Variants in ANO5 observed in about 807,000 individuals in gnomAD.
ANO5 encodes the protein anoctamin-5.
A neutral mutation model predicts 121.0 loss-of-function variants in ANO5; 109 were observed. That is an observed-to-expected ratio of 0.90 (90% CI 0.77 to 1.06). The LOEUF (loss-of-function observed/expected upper bound fraction) is 1.06. Ranked by LOEUF, ANO5 falls within the 50% of genes least tolerant of loss-of-function variation. The probability of loss-of-function intolerance (pLI) is 0.00; values close to 1 mark genes in which losing one functional copy is unlikely to be tolerated. For synonymous variants in ANO5, 406 were observed against 359.9 expected, an observed-to-expected ratio of 1.13 and a Z score of -1.45; for missense variants, 1,064 against 1,078.5, an observed-to-expected ratio of 0.99 and a Z score of 0.19.
intron 13 of ANO5, among the ~76,000 whole-genome samples, chr11:22,257,467 T>C (rs1854040119): frequency 6.6e-6 from 1 of 152,128 alleles, no homozygotes; most frequent in Non-Finnish European, 1.5e-5. Context: ...ATCCATTATG[T>C]TTCATATCAT....
At chr11:22,222,512 C>A (rs1202869151) in intron 5 of ANO5, among the ~76,000 whole-genome samples, 1 of 150,438 alleles carries the variant, frequency 6.6e-6, no homozygotes, top group Non-Finnish European at 1.5e-5. Flanking sequence ...TACCTCAAAT[C>A]TTTCTGATCC....
At chr11:22,202,463 T>A (rs1851993949) in intron 1 of ANO5, among the ~76,000 whole-genome samples, 1 of 10,326 alleles carries the variant, frequency 9.7e-5, no homozygotes, top group South Asian at 5.1e-3. Context: ...TTTTTTAAAT[T>A]TTTTTTTGAC....
Position 22,193,502 on chromosome 11 carries a change from C to T in ANO5, c.10C>T (p.Pro4Ser). 6.2e-7 allele frequency: 1 copy of T among 1,613,034 alleles called. No homozygotes were observed. Among genetic ancestry groups the T allele is most frequent in the East Asian group, 2.2e-5 (1 of 44,802 alleles). The stretch of plus-strand genomic sequence containing the variant: ...TAACGAGCTGGCGAAGATGGGCGAC[C>T]CGGATCTCCTGGAAGTGTTGGCGGA... MGD[P>S]DLLEVLAEEG... Residue 4 changes from proline to serine, a missense_variant, in exon 1 of 22, where the codon CCG (proline) becomes TCG (serine). By Grantham distance (74) the Pro-to-Ser change is moderately conservative. Transcript: ENST00000324559.
At chr11:22,252,054 A>AAAAACT (rs1564937260) in intron 12 of ANO5, among the ~76,000 whole-genome samples, 13 of 139,862 alleles carry the variant, frequency 9.3e-5, no homozygotes, top group South Asian at 2.2e-4. Flanking sequence ...AAAAAAAAAA[A>AAAAACT]AAAAACTAGG....
chr11:22,250,772 C>A lies in ANO5; in HGVS notation c.1045C>A (p.Gln349Lys). Residue 349 changes from glutamine to lysine, a missense_variant, in exon 11 of 22, where the codon CAG (glutamine) becomes AAG (lysine). Coordinates refer to ENST00000324559, the MANE Select transcript of ANO5 (RefSeq NM_213599.3). ...TEICDPEIGG[Q>K]MIMCPLCDQV... ...AATCTGTGACCCTGAGATTGGTGGT[C>A]AGATGATCATGTGCCCACTCTGTGA... 6.2e-7 allele frequency: 1 copy of A among 1,613,976 alleles called. No homozygotes were observed. Among genetic ancestry groups the A allele is most frequent in the South Asian group, 1.1e-5 (1 of 91,042 alleles).
intron 7 of ANO5, among the ~76,000 whole-genome samples, chr11:22,229,517 T>C (rs545906758): frequency 1.7e-3 from 265 of 152,088 alleles, no homozygotes; most frequent in Admixed American, 5.7e-3. Flanking sequence ...GTCGTAACTC[T>C]GCTACTTTCT....
intron 16 of ANO5, 143 bp from the exon 17 acceptor site, chr11:22,262,803 G>T: frequency 1.4e-6 from 1 of 707,272 alleles, no homozygotes; most frequent in Non-Finnish European, 2.5e-6. Flanking sequence ...GATCAGGTTT[G>T]GAACTATTGG....
chr11:22,193,987 ACT>A (rs994217019), intron 1 of ANO5, among the ~76,000 whole-genome samples: 26 of 151,744 alleles, frequency 1.7e-4, no homozygotes, highest in African/African-American at 6.3e-4. Context: ...TTATTACCTC[ACT>A]CTCTCTGCCC....
At chr11:22,229,029 A>G (rs1031050193) in intron 7 of ANO5, among the ~76,000 whole-genome samples, 2 of 151,826 alleles carry the variant, frequency 1.3e-5, no homozygotes, top group Admixed American at 6.6e-5. Flanking sequence ...TGGTAGCTCT[A>G]TATTTAATTT....
At chr11:22,243,376 T>G (rs973635187) in intron 9 of ANO5, among the ~76,000 whole-genome samples, 2 of 152,120 alleles carry the variant, frequency 1.3e-5, no homozygotes, top group African/African-American at 4.8e-5. Flanking sequence ...TGACATTGTC[T>G]TTTTGTTGTT....
chr11:22,276,285 G>A, intron 21 of ANO5, 86 bp downstream of exon 21: 1 of 1,084,358 alleles, frequency 9.2e-7, no homozygotes, highest in Non-Finnish European at 1.4e-6. Flanking sequence ...CAGAAAGTTA[G>A]CAATATCTCA....
intron 12 of ANO5, among the ~76,000 whole-genome samples, chr11:22,253,763 G>A (rs560415529): frequency 1.3e-5 from 2 of 152,230 alleles, no homozygotes; most frequent in Non-Finnish European, 2.9e-5. Context: ...GTCTACTTTC[G>A]TAGAAGTGCA....
At position 22,221,158 on chromosome 11, in the gene ANO5, A is replaced by G. The variant is rs199501657; in HGVS notation, c.242A>G (p.Asp81Gly). Residue 81 changes from aspartate (D) to glycine (G), a missense_variant, in exon 5 of 22, where the codon GAT becomes GGT. By Grantham distance (94) the Asp-to-Gly change is moderately conservative (BLOSUM62 -1). Transcript: ENST00000324559. ...IFFRDGIRQI[D>G]FVLSYVDDVK... ...TTCCGAGATGGGATTAGGCAAATTGATTTTGTGCTTTCCTACGTTGATGAT... is the reference window on the plus strand; with the variant it reads ...TTCCGAGATGGGATTAGGCAAATTGGTTTTGTGCTTTCCTACGTTGATGAT... 96 of 1,612,050 alleles carry G rather than the reference A, an allele frequency of 6.0e-5. No individual in the cohort carries two copies. Among genetic ancestry groups the G allele is most frequent in the Non-Finnish European group, 4.8e-5 (57 of 1,178,734 alleles).
chr11:22,259,772 G>A, intron 15 of ANO5, 31 bp downstream of exon 15: 1 of 1,564,040 alleles, frequency 6.4e-7, no homozygotes, highest in South Asian at 1.1e-5. Context: ...GTGTGATTCT[G>A]AAGAATGATT....
chr11:22,211,156 T>C (rs1478218315), intron 2 of ANO5, 108 bp from the exon 3 acceptor site: 1 of 1,172,082 alleles, frequency 8.5e-7, no homozygotes, highest in African/African-American at 1.5e-5. Context: ...GGTTCCAGAT[T>C]AAGTGTTTCT....
At chr11:22,251,465 T>C (rs1374072077) in intron 12 of ANO5, among the ~76,000 whole-genome samples, 1 of 152,186 alleles carries the variant, frequency 6.6e-6, no homozygotes, top group Non-Finnish European at 1.5e-5. Flanking sequence ...TCATTAAAAA[T>C]CCTTCATATA....
At chr11:22,265,464 C>A (rs2133758724) in intron 17 of ANO5, among the ~76,000 whole-genome samples, 1 of 152,012 alleles carries the variant, frequency 6.6e-6, no homozygotes, top group Non-Finnish European at 1.5e-5. Flanking sequence ...TTTTCTTGAG[C>A]AAAAAGAGAT....
chr11:22,238,606 G>T (rs1335452358), intron 8 of ANO5, among the ~76,000 whole-genome samples: 1 of 151,930 alleles, frequency 6.6e-6, no homozygotes, highest in Non-Finnish European at 1.5e-5. Context: ...TTTTTTGGTT[G>T]TTTAATTTCT....
intron 1 of ANO5, among the ~76,000 whole-genome samples, chr11:22,199,778 A>C (rs117293204): frequency 0.05 from 7,548 of 152,176 alleles, 235 homozygotes; most frequent in Non-Finnish European, 0.07. Context: ...GTATGAAAAA[A>C]ATCTGGCCTC....
Sources: gnomAD v4.1 joint callset for allele counts (sites outside exome capture counted in the v4.1 genomes callset) on GRCh38, gnomAD v4.1.1 for gene constraint, MANE v1.5 for transcripts, NCBI Gene and HGNC (gene_info 2026-07-23, HGNC 2026-07-21) for gene names.